Variants in IARS2 observed in about 807,000 individuals in gnomAD.
The protein encoded by IARS2 is isoleucyl-tRNA synthetase 2, mitochondrial, also known as isoleucine--tRNA ligase, mitochondrial.
Under a neutral mutation model 126.3 loss-of-function variants are expected in IARS2, and 56 were observed. The ratio of observed to expected loss-of-function variants is 0.44; its 90% CI spans 0.36 to 0.55. IARS2 has a LOEUF of 0.55. Ranked by LOEUF, IARS2 falls within the 20% of genes least tolerant of loss-of-function variation. The probability of loss-of-function intolerance (pLI) is 0.00; values close to 1 mark genes in which losing one functional copy is unlikely to be tolerated. For synonymous variants in IARS2, 407 were observed against 441.1 expected (o/e 0.92, Z 0.97); for missense variants, 1,127 against 1,245.9 (o/e 0.90, Z 1.44).
At chr1:220,113,721 T>C (rs1468363293) in intron 11 of IARS2, among the ~76,000 whole-genome samples, 2 of 152,050 alleles carry the variant, frequency 1.3e-5, no homozygotes, top group Admixed American at 6.6e-5. Context: ...CATAGCTCAC[T>C]GCAACCTTGA....
intron 3 of IARS2, among the ~76,000 whole-genome samples, chr1:220,100,989 T>A (rs1385802359): frequency 2.6e-5 from 4 of 152,224 alleles, no homozygotes; most frequent in African/African-American, 9.6e-5. Flanking sequence ...CAAAATTCAA[T>A]TCTAAAATAC....
At chr1:220,127,238 G>A (rs1284396181) in intron 14 of IARS2, among the ~76,000 whole-genome samples, 1 of 152,198 alleles carries the variant, frequency 6.6e-6, no homozygotes, top group Non-Finnish European at 1.5e-5. Flanking sequence ...CAAATTAGGT[G>A]ATGGTCACAT....
chr1:220,120,974 C>T (rs948817795), intron 12 of IARS2, among the ~76,000 whole-genome samples: 1 of 152,114 alleles, frequency 6.6e-6, no homozygotes, highest in Non-Finnish European at 1.5e-5. Context: ...GTCTTGCTCT[C>T]TAAATATTAG....
intron 22 of IARS2, among the ~76,000 whole-genome samples, chr1:220,146,246 G>A (rs557387944): frequency 2.0e-5 from 3 of 152,158 alleles, no homozygotes; most frequent in Non-Finnish European, 2.9e-5. Flanking sequence ...GCTGGGCACG[G>A]TGGCTCATGC....
intron 19 of IARS2, 110 bp from the exon 20 acceptor site, chr1:220,141,693 A>C (rs936244809): frequency 1.4e-5 from 14 of 1,034,202 alleles, no homozygotes; most frequent in Non-Finnish European, 2.0e-5. Context: ...GAAGATGATT[A>C]GAGCCATAGG....
chr1:220,096,565 A>G (rs1349430097), intron 2 of IARS2, among the ~76,000 whole-genome samples: 1 of 152,236 alleles, frequency 6.6e-6, no homozygotes, highest in Non-Finnish European at 1.5e-5. Context: ...GCCCACAGAT[A>G]TCAATAATTC....
intron 22 of IARS2, among the ~76,000 whole-genome samples, chr1:220,146,307 G>A (rs1056245832): frequency 2.0e-5 from 3 of 152,010 alleles, no homozygotes; most frequent in Non-Finnish European, 4.4e-5. Context: ...GTGAGGTCAG[G>A]AGATTGAGAC....
rs1194458172 is a variant in IARS2 at position 220,141,970 on chromosome 1, C to G, written c.2560+22C>G. ...AAAGGTAAGGAATACTTCATTTATT[C>G]TCTTAATGAGAAATATCCCTGATCA... On this transcript the variant is annotated intron_variant, in intron 20 of 22. Coordinates refer to ENST00000366922, the MANE Select transcript of IARS2 (RefSeq NM_018060.4). 3.7e-6 allele frequency: 6 copies of G among 1,604,328 alleles called. No homozygotes were observed. In the South Asian group the frequency reaches 6.7e-5, roughly 18 times the overall value.
intron 1 of IARS2, 96 bp downstream of exon 1, chr1:220,094,579 G>A (rs1414708031): frequency 7.6e-6 from 8 of 1,046,292 alleles, no homozygotes; most frequent in South Asian, 5.1e-5. Context: ...GCTCCACGCC[G>A]GTGCGGGTGG....
chr1:220,142,316 T>C (rs1486126880), intron 20 of IARS2, among the ~76,000 whole-genome samples: 1 of 152,146 alleles, frequency 6.6e-6, no homozygotes, highest in Non-Finnish European at 1.5e-5. Flanking sequence ...CAGGCCAACA[T>C]GGCGAAACCC....
chr1:220,126,175 C>T (rs1174225757), intron 13 of IARS2, among the ~76,000 whole-genome samples: 2 of 150,958 alleles, frequency 1.3e-5, no homozygotes, highest in African/African-American at 4.9e-5. Context: ...CTCAGGAGGC[C>T]GAGGCAGGAG....
chr1:220,141,764 A>G (rs775865555), intron 19 of IARS2, 39 bp from the exon 20 acceptor site: 2 of 1,607,176 alleles, frequency 1.2e-6, no homozygotes, highest in South Asian at 1.1e-5. Flanking sequence ...CATAATGTAT[A>G]AAGTATTGTC....
chr1:220,146,360 C>CA (rs1041686407), intron 22 of IARS2, among the ~76,000 whole-genome samples: 8 of 151,268 alleles, frequency 5.3e-5, no homozygotes, highest in East Asian at 3.9e-4. Context: ...ACTAAAAATA[C>CA]AAAAAAAATT....
At chr1:220,131,069 G>A (rs1311069329) in intron 14 of IARS2, among the ~76,000 whole-genome samples, 3 of 152,042 alleles carry the variant, frequency 2.0e-5, no homozygotes, top group Non-Finnish European at 4.4e-5. Context: ...CTATTTGGGA[G>A]GCTTTTGTGT....
intron 1 of IARS2, among the ~76,000 whole-genome samples, chr1:220,095,406 G>T (rs569387444): frequency 6.6e-6 from 1 of 152,234 alleles, no homozygotes; most frequent in African/African-American, 2.4e-5. Flanking sequence ...AAAAATCCCT[G>T]ATATTCTTGG....
intron 12 of IARS2, 68 bp downstream of exon 12, chr1:220,114,542 A>G (rs896941441): frequency 8.3e-7 from 1 of 1,209,900 alleles, no homozygotes; most frequent in African/African-American, 1.5e-5. Context: ...ATTGAAAAAT[A>G]ATGTGGATGA....
chr1:220,130,606 G>T (rs1216684294), intron 14 of IARS2, among the ~76,000 whole-genome samples: 2 of 152,078 alleles, frequency 1.3e-5, no homozygotes, highest in South Asian at 2.1e-4. Flanking sequence ...CGCCCAGGCT[G>T]GAGTGCAGTG....
rs1558121069 is a variant in IARS2 at position 220,106,009 on chromosome 1, A to G, written c.1185A>G (p.Pro395=). The stretch of plus-strand genomic sequence containing the variant: ...GAACGGGATTGGTTCACACAGCCCC[A>G]GCTCATGGTATGGAAGACTACGGTG... ...AKGTGLVHTA[P]AHGMEDYGVA... Residue 395 remains proline, a synonymous_variant, in exon 9 of 23, where the codon CCA becomes CCG. Coordinates refer to ENST00000366922, the MANE Select transcript of IARS2 (RefSeq NM_018060.4). The G allele has an allele frequency of 1.2e-6, 2 of 1,614,174 alleles. No individual in the cohort carries two copies. Among genetic ancestry groups the G allele is most frequent in the Non-Finnish European group, 1.7e-6 (2 of 1,180,016 alleles).
intron 15 of IARS2, among the ~76,000 whole-genome samples, chr1:220,135,337 A>G (rs1657350017): frequency 6.6e-6 from 1 of 152,162 alleles, no homozygotes; most frequent in African/African-American, 2.4e-5. Context: ...CTCTTAGGAT[A>G]AAAACCCATC....
Sources: allele counts gnomAD v4.1 joint callset (sites outside exome capture counted in the v4.1 genomes callset), GRCh38; gene constraint gnomAD v4.1.1; transcripts MANE v1.5; gene names NCBI Gene and HGNC (gene_info 2026-07-23, HGNC 2026-07-21).